The following HTT variants were observed in gnomAD, a reference collection of about 807,000 sequenced individuals.
The protein encoded by HTT is huntingtin, also known as huntington disease protein.
A neutral mutation model predicts 362.3 loss-of-function variants in HTT; 104 were observed. The observed-to-expected ratio is 0.29, with a 90% confidence interval of 0.24 to 0.34. The LOEUF (loss-of-function observed/expected upper bound fraction) is 0.34, where lower values mean the gene tolerates loss of function less well. Among genes scored for constraint, HTT ranks in the 10% least tolerant of loss-of-function variants. The probability of loss-of-function intolerance (pLI) is 1.00; values close to 1 mark genes in which losing one functional copy is unlikely to be tolerated. For missense variants in HTT, 3,301 were observed against 3,928.6 expected, an observed-to-expected ratio of 0.84 and a Z score of 4.27; for synonymous variants, 1,577 against 1,548.7, an observed-to-expected ratio of 1.02 and a Z score of -0.43.
intron 61 of HTT, among the ~76,000 whole-genome samples, chr4:3,233,816 C>T (rs1049649234): frequency 2.7e-4 from 41 of 152,354 alleles, no homozygotes; most frequent in African/African-American, 9.4e-4. Context: ...TGACAAAGCA[C>T]GGCTGGTGCC....
At chr4:3,094,162 A>G (rs1713687211) in intron 2 of HTT, among the ~76,000 whole-genome samples, 1 of 151,052 alleles carries the variant, frequency 6.6e-6, no homozygotes, top group Non-Finnish European at 1.5e-5. Flanking sequence ...AACAAAGCAC[A>G]TCTTGCACCG....
At position 3,074,902 on chromosome 4, in the gene HTT, AGCAGCAGCAGCAGCAGCAGCAGCAG is replaced by A. The variant is rs1712393144; in HGVS notation, c.78_102del (p.Gln26HisfsTer67). ...CAGCAGCAGCAGCAGCAGCAGCAGCAGCAGCAGCAGCAGCAGCAGCAGCAGCAGCAGCAACAGCCGCCACCGCCGC... is the reference window on the plus strand; with the variant it reads ...CAGCAGCAGCAGCAGCAGCAGCAGCACAGCAGCAACAGCCGCCACCGCCGC... On this transcript the variant is annotated frameshift_variant, in exon 1 of 67. Coordinates refer to ENST00000355072, the MANE Select transcript of HTT (RefSeq NM_001388492.1). LOFTEE classifies it high-confidence loss of function. 13 of 1,488,738 alleles carry A rather than the reference AGCAGCAGCAGCAGCAGCAGCAGCAG, an allele frequency of 8.7e-6. No homozygotes were observed. In the East Asian group the frequency reaches 3.0e-4, roughly 34 times the overall value. 92.2% of individuals were successfully genotyped at this position (1,488,738 alleles called of 1,614,324 possible). A position where few individuals can be genotyped will look rare whatever the true frequency, so the allele number is the denominator to read the frequency against.
At chr4:3,233,402 G>T in intron 61 of HTT, 49 bp downstream of exon 61, 3 of 1,533,888 alleles carry the variant, frequency 2.0e-6, no homozygotes, top group Non-Finnish European at 1.8e-6. Flanking sequence ...AGAATGAGCT[G>T]TGAAGGAAGC....
At position 3,087,006 on chromosome 4, in the gene HTT, G is replaced by A. The variant is rs1321049145; in HGVS notation, c.331G>A (p.Val111Met). The A allele has an allele frequency of 1.9e-6, 3 of 1,597,278 alleles. No individual in the cohort carries two copies. The Admixed American group carries it at 5.0e-5, about 27-fold the overall frequency. ...NHCLTICENIVAQSVRNSPEF... is the reference protein window; with the variant it reads ...NHCLTICENIMAQSVRNSPEF... ...TTGTCTGACAATATGTGAAAACATA[G>A]TGGCACAGTCTGTCAGGTAATTGCA... The change falls in exon 2 of 67, where the codon GTG (valine) becomes ATG (methionine). Residue 111 changes from valine (V) to methionine (M), a missense_variant. Around this residue, in one of 4 missense-constraint regions of HTT, gnomAD observed 2,316 missense variants for 2,658.5 expected, o/e 0.87. Coordinates refer to ENST00000355072, the MANE Select transcript of HTT (RefSeq NM_001388492.1).
At chr4:3,225,153 G>A (rs1018629995) in intron 56 of HTT, among the ~76,000 whole-genome samples, 2 of 151,740 alleles carry the variant, frequency 1.3e-5, no homozygotes, top group African/African-American at 4.8e-5. Context: ...GGCCTGGGGC[G>A]TGGGGGGGTG....
intron 41 of HTT, among the ~76,000 whole-genome samples, chr4:3,201,281 C>T (rs1220571724): frequency 6.6e-6 from 1 of 152,168 alleles, no homozygotes; most frequent in Non-Finnish European, 1.5e-5. Flanking sequence ...ATAATCCCAG[C>T]ACCTTGGGAA....
chr4:3,079,779 A>G (rs1342993393), intron 1 of HTT, among the ~76,000 whole-genome samples: 1 of 152,178 alleles, frequency 6.6e-6, no homozygotes, highest in Admixed American at 6.5e-5. Context: ...GAAGGGGAAC[A>G]CCGGCAAAAG....
At chr4:3,199,698 A>G (rs1465012927) in intron 40 of HTT, 34 bp from the exon 41 acceptor site, 1 of 1,597,444 alleles carries the variant, frequency 6.3e-7, no homozygotes, top group African/African-American at 1.3e-5. Flanking sequence ...ACCGAGATGA[A>G]AGCAAAGACA....
chr4:3,081,550 CTTTT>C lies in HTT; in HGVS notation c.264-5367_264-5364del, dbSNP rs770325842. Among the ~76,000 whole-genome samples, 21 of 84,480 alleles carry C rather than the reference CTTTT, an allele frequency of 2.5e-4. No homozygotes were observed. In the East Asian group the frequency reaches 7.1e-3, roughly 28 times the overall value. The allele number at this position is 84,480 out of a possible 152,430, so 55.4% of individuals were successfully genotyped here. On this transcript the variant is annotated intron_variant, in intron 1 of 66. Coordinates refer to ENST00000355072, the MANE Select transcript of HTT (RefSeq NM_001388492.1). ...ATAGGACCACATTTGGAAAGCATTT[CTTTT>C]TTTTTTTTTTTTTTTTTTTTTGAGA...
At chr4:3,109,551 TCTA>T (rs1378022277) in intron 6 of HTT, among the ~76,000 whole-genome samples, 4 of 152,162 alleles carry the variant, frequency 2.6e-5, no homozygotes, top group Non-Finnish European at 5.9e-5. Flanking sequence ...ATAACATGCT[TCTA>T]CTGCTATTTT....
At position 3,180,713 on chromosome 4, in the gene HTT, A is replaced by G. The variant is rs991823675; in HGVS notation, c.4749+62A>G. The G allele has an allele frequency of 4.1e-6, 6 of 1,447,118 alleles. No homozygotes were observed. In the African/African-American group the frequency reaches 8.6e-5, roughly 21 times the overall value. 89.6% of individuals were successfully genotyped at this position (1,447,118 alleles called of 1,614,324 possible). ...TTATTGACCCGTGCAGATGGAAGGA[A>G]GTGCCATGTGGTAACGCTCACTGTT... On this transcript the variant is annotated intron_variant, in intron 36 of 66. Coordinates refer to ENST00000355072, the MANE Select transcript of HTT (RefSeq NM_001388492.1).
chr4:3,074,932 A>AACCGCC lies in HTT; in HGVS notation c.107_108insACCGCC (p.Gln36_Gln37insProPro). ...CAGCAGCAGCAGCAGCAGCAGCAGC[A>AACCGCC]GCAACAGCCGCCACCGCCGCCGCCG... On this transcript the variant is annotated inframe_insertion, in exon 1 of 67. Transcript: ENST00000355072. The AACCGCC allele has an allele frequency of 5.5e-6, 7 of 1,277,748 alleles. No homozygotes were observed. The highest frequency in any genetic ancestry group is 7.3e-6 in the Non-Finnish European group (7 of 963,928). 79.2% of individuals were successfully genotyped at this position (1,277,748 alleles called of 1,614,324 possible).
At chr4:3,131,032 C>T (rs953109424) in intron 14 of HTT, among the ~76,000 whole-genome samples, 16 of 152,092 alleles carry the variant, frequency 1.1e-4, no homozygotes, top group East Asian at 5.8e-4. Context: ...CTTCTTACCA[C>T]GCCCACCCTC....
chr4:3,187,082 ATC>A (rs1409967666), intron 38 of HTT, among the ~76,000 whole-genome samples: 1 of 150,322 alleles, frequency 6.7e-6, no homozygotes, highest in African/African-American at 2.5e-5. Context: ...GATGGTCTTG[ATC>A]TCCTGACCTC....
rs1341131858 is a variant in HTT at position 3,164,498 on chromosome 4, A to G, written c.3864+4106A>G. 9.9e-5 allele frequency among the ~76,000 whole-genome samples: 15 copies of G among 152,260 alleles called. No homozygotes were observed. In the East Asian group the frequency reaches 2.9e-3, roughly 29 times the overall value. ...GATATCCTTGTTAATTTTCTGGCTCATTGATCTGCCTAATATTGACAGTGG... is the reference window on the plus strand; with the variant it reads ...GATATCCTTGTTAATTTTCTGGCTCGTTGATCTGCCTAATATTGACAGTGG... On this transcript the variant is annotated intron_variant, in intron 29 of 66. Coordinates refer to ENST00000355072, the MANE Select transcript of HTT (RefSeq NM_001388492.1).
At position 3,116,155 on chromosome 4, in the gene HTT, T is replaced by C. The variant is rs912027875; in HGVS notation, c.960T>C (p.Tyr320=). Residue 320 remains tyrosine (Y), a synonymous_variant, in exon 8 of 67, where the codon TAT becomes TAC. Coordinates refer to ENST00000355072, the MANE Select transcript of HTT (RefSeq NM_001388492.1). ...LILGVLLTLR[Y]LVPLLQQQVK... Reference sequence around the variant, plus strand: ...TTGGCGTGCTGCTCACCCTGAGGTATTTGGTGCCCTTGCTGCAGCAGCAGG... The same window carrying C: ...TTGGCGTGCTGCTCACCCTGAGGTACTTGGTGCCCTTGCTGCAGCAGCAGG... 2.5e-6 allele frequency: 4 copies of C among 1,613,910 alleles called. No individual in the cohort carries two copies. In the African/African-American group the frequency reaches 5.3e-5, roughly 22 times the overall value.
At chr4:3,139,343 G>A (rs1286677802) in intron 21 of HTT, among the ~76,000 whole-genome samples, 2 of 152,158 alleles carry the variant, frequency 1.3e-5, no homozygotes, top group Non-Finnish European at 1.5e-5. Context: ...GATTACAGGA[G>A]TGTGCCACCA....
At chr4:3,205,165 G>A (rs563157781) in intron 42 of HTT, among the ~76,000 whole-genome samples, 4 of 151,990 alleles carry the variant, frequency 2.6e-5, no homozygotes, top group South Asian at 4.2e-4. Flanking sequence ...ACAAATAAAC[G>A]GAGGAAAATA....
At chr4:3,083,470 G>A (rs892053086) in intron 1 of HTT, among the ~76,000 whole-genome samples, 3 of 151,054 alleles carry the variant, frequency 2.0e-5, no homozygotes, top group African/African-American at 7.3e-5. Context: ...GCTGCAGTGA[G>A]CTATGATTAT....
Sources: allele counts gnomAD v4.1 joint callset (sites outside exome capture counted in the v4.1 genomes callset), GRCh38; gene constraint gnomAD v4.1.1; regional missense constraint gnomAD v4.1.1; transcripts MANE v1.5; gene names NCBI Gene and HGNC (gene_info 2026-07-23, HGNC 2026-07-21).